Variants in DNAH5 observed in about 807,000 individuals in gnomAD.
DNAH5 encodes the protein axonemal beta dynein heavy chain 5.
DNAH5 carries 372 observed loss-of-function variants against 518.2 expected under a neutral mutation model. The ratio of observed to expected loss-of-function variants is 0.72; its 90% CI spans 0.66 to 0.78. The LOEUF (loss-of-function observed/expected upper bound fraction) is 0.78. Ranked by LOEUF, DNAH5 falls within the 30% of genes least tolerant of loss-of-function variation. DNAH5 has a pLI of 0.00. For missense variants in DNAH5, 5,523 were observed against 5,687.0 expected (o/e 0.97, Z 0.93); for synonymous variants, 2,039 against 2,025.9 (o/e 1.01, Z -0.17).
At chr5:13,980,659 A>G (rs113810704) in intron 1 of DNAH5, among the ~76,000 whole-genome samples, 1 of 151,860 alleles carries the variant, frequency 6.6e-6, no homozygotes, top group East Asian at 1.9e-4. Context: ...CTCTCACCCA[A>G]ACTACTGCAG....
chr5:13,934,803 G>T (rs1778766663), intron 1 of DNAH5, among the ~76,000 whole-genome samples: 1 of 152,140 alleles, frequency 6.6e-6, no homozygotes, highest in Non-Finnish European at 1.5e-5. Context: ...CAGGATTCAG[G>T]TTTAAAAAAT....
chr5:13,753,276 C>G lies in DNAH5; in HGVS notation c.10829G>C (p.Gly3610Ala). The stretch of plus-strand genomic sequence containing the variant: ...TTCTTTATTTTTAATCCAGATCTTG[C>G]CTTGAGTCTGTGGATCAATTAACAA... The part of the protein sequence containing the change: ...YPLLIDPQTQ[G>A]KIWIKNKESR... The change falls in exon 63 of 79, where the codon GGC becomes GCC. Residue 3610 changes from glycine (G) to alanine (A), a missense_variant. Around this residue, in one of 3 missense-constraint regions of DNAH5, gnomAD observed 5,121 missense variants for 5,223.3 expected, o/e 0.98. Transcript: ENST00000265104. 2 of 1,613,950 alleles carry G rather than the reference C, an allele frequency of 1.2e-6. No individual in the cohort carries two copies. The highest frequency in any genetic ancestry group is 1.7e-6 in the Non-Finnish European group (2 of 1,179,914).
intron 25 of DNAH5, among the ~76,000 whole-genome samples, chr5:13,866,978 T>C (rs942643560): frequency 1.3e-5 from 2 of 152,190 alleles, no homozygotes; most frequent in Admixed American, 6.5e-5. Context: ...TGATCTGTCT[T>C]ATCCACTACT....
intron 1 of DNAH5, among the ~76,000 whole-genome samples, chr5:13,963,191 A>T (rs1561012557): frequency 6.6e-6 from 1 of 152,196 alleles, no homozygotes; most frequent in Non-Finnish European, 1.5e-5. Flanking sequence ...CCTGACTCTG[A>T]GATGACATAC....
In DNAH5 at chr5:13,865,871, T is replaced by C. The variant is rs7703349; in HGVS notation, c.4152A>G (p.Thr1384=). The change falls in exon 27 of 79, where the codon ACA becomes ACG. Residue 1384 remains threonine, a synonymous_variant. Transcript: ENST00000265104. ...CAAAAAGCTCCTCTCCTCCAGTATA[T>C]GTGATGTATTTCCGATAGATATTAT... The part of the protein sequence containing the change: ...QFDNIYRKYI[T]YTGGEELFGL... The C allele has an allele frequency of 0.47, 750,527 of 1,606,262 alleles. 178,262 individuals carry two copies. The highest frequency in any genetic ancestry group is 0.57 in the African/African-American group (42,925 of 74,764).
At chr5:13,902,430 T>C (rs1468825131) in intron 12 of DNAH5, among the ~76,000 whole-genome samples, 1 of 152,198 alleles carries the variant, frequency 6.6e-6, no homozygotes. Context: ...GGAGATGGGC[T>C]ATGGGGTCCT....
At chr5:13,991,682 C>A (rs552260005) in intron 1 of DNAH5, among the ~76,000 whole-genome samples, 1 of 151,700 alleles carries the variant, frequency 6.6e-6, no homozygotes, top group Non-Finnish European at 1.5e-5. Context: ...ACGAGGGAGG[C>A]GTGAAGACAG....
rs563337872 is a variant in DNAH5, at chr5:13,969,596, T to A, written c.13-38352A>T. 4.6e-4 allele frequency among the ~76,000 whole-genome samples: 70 copies of A among 152,346 alleles called. 1 individual carries two copies. The South Asian group carries it at 0.014, about 30-fold the overall frequency. On this transcript the variant is annotated intron_variant, in intron 1 of 78. Transcript: ENST00000681290. ...TCATTCAGGAGCAGGTTATTTAATT[T>A]CCATGTATTTGCATGGTTTTGAAGA...
At chr5:13,731,995 T>C (rs1176680293) in intron 68 of DNAH5, among the ~76,000 whole-genome samples, 1 of 152,060 alleles carries the variant, frequency 6.6e-6, no homozygotes, top group African/African-American at 2.4e-5. Context: ...TAGCTGGATG[T>C]ATTGGCATGA....
At chr5:13,851,768 C>A (rs1766879232) in intron 30 of DNAH5, among the ~76,000 whole-genome samples, 1 of 152,068 alleles carries the variant, frequency 6.6e-6, no homozygotes, top group Middle Eastern at 3.4e-3. Flanking sequence ...AAAAGAAAAA[C>A]ATGGGAATCC....
chr5:13,739,706 T>C (rs866673985), intron 65 of DNAH5, among the ~76,000 whole-genome samples: 1 of 152,158 alleles, frequency 6.6e-6, no homozygotes, highest in Non-Finnish European at 1.5e-5. Flanking sequence ...TGATCCGGTA[T>C]GCACACAGAC....
Position 13,737,266 on chromosome 5 carries a change from T to C in DNAH5, c.11441A>G (p.Glu3814Gly). Residue 3814 changes from glutamate to glycine, a missense_variant, in exon 66 of 79, where the codon GAG becomes GGG. Physicochemically the swap from Glu to Gly is moderately conservative, Grantham distance 98. This residue lies in a region of DNAH5 where 5,121 missense variants were observed against 5,223.3 expected (regional missense o/e 0.98). Transcript: ENST00000265104. The part of the protein sequence containing the change: ...ETEVQINSAR[E>G]EYRPVATRGS... ...ACCAAACTCACCAGGTCTGTATTCC[T>C]CCCGGGCTGAGTTAATTTGAACTTC... 2 of 1,614,102 alleles carry C rather than the reference T, an allele frequency of 1.2e-6. No individual in the cohort carries two copies. The highest frequency in any genetic ancestry group is 1.7e-6 in the Non-Finnish European group (2 of 1,179,964).
chr5:13,867,117 A>C (rs1371630049), intron 25 of DNAH5, among the ~76,000 whole-genome samples: 1 of 152,214 alleles, frequency 6.6e-6, no homozygotes, highest in Non-Finnish European at 1.5e-5. Context: ...ACAAATTTAG[A>C]ATGCTACCAA....
At chr5:13,909,999 T>A (rs1332993148) in intron 12 of DNAH5, among the ~76,000 whole-genome samples, 1 of 152,200 alleles carries the variant, frequency 6.6e-6, no homozygotes, top group Non-Finnish European at 1.5e-5. Context: ...AGAAGTACCA[T>A]GTGGTCAGAC....
chr5:13,760,960 G>A (rs550579941), intron 60 of DNAH5, among the ~76,000 whole-genome samples: 1 of 152,318 alleles, frequency 6.6e-6, no homozygotes, highest in East Asian at 1.9e-4. Context: ...TCGGACTGAC[G>A]TAAGAGGAAC....
At chr5:13,742,641 A>G (rs1338451715) in intron 65 of DNAH5, among the ~76,000 whole-genome samples, 2 of 152,094 alleles carry the variant, frequency 1.3e-5, no homozygotes, top group Admixed American at 1.3e-4. Flanking sequence ...CAAAAATAGT[A>G]ACTAAAAAGA....
chr5:13,818,979 A>C (rs1003972007), intron 41 of DNAH5, among the ~76,000 whole-genome samples: 1 of 152,254 alleles, frequency 6.6e-6, no homozygotes, highest in African/African-American at 2.4e-5. Context: ...AAATAGTCTA[A>C]TGATTAATTC....
At chr5:13,703,303 C>A (rs1019026073) in intron 76 of DNAH5, among the ~76,000 whole-genome samples, 2 of 152,276 alleles carry the variant, frequency 1.3e-5, no homozygotes, top group South Asian at 2.1e-4. Context: ...CACATCAACT[C>A]ATTTAATCCT....
rs1750525033 is a variant in DNAH5 at position 13,753,373 on chromosome 5, G to A, written c.10732C>T (p.Leu3578Phe). The A allele has an allele frequency of 6.2e-7, 1 of 1,613,994 alleles. No homozygotes were observed. The highest frequency in any genetic ancestry group is 8.5e-7 in the Non-Finnish European group (1 of 1,179,948). The change falls in exon 63 of 79, where the codon CTC (leucine) becomes TTC (phenylalanine). Residue 3578 changes from leucine (L) to phenylalanine (F), a missense_variant. Coordinates refer to ENST00000265104, the MANE Select transcript of DNAH5 (RefSeq NM_001369.3). ...IDAPTISEWN[L>F]QGLPNDDLSI... is the part of the protein sequence containing the mutation. ...AAGTCATCATTTGGCAGACCTTGGA[G>A]GTTCCATTCACTAATAGTAGGAGCA...
Sources: gnomAD v4.1 joint callset for allele counts (sites outside exome capture counted in the v4.1 genomes callset) on GRCh38, gnomAD v4.1.1 for gene constraint, gnomAD v4.1.1 regional missense constraint, MANE v1.5 for transcripts, NCBI Gene and HGNC (gene_info 2026-07-23, HGNC 2026-07-21) for gene names.